MSRA: variants seen among roughly 807,000 people sequenced by gnomAD.
MSRA encodes methionine sulfoxide reductase A.
Under a neutral mutation model 31.3 loss-of-function variants are expected in MSRA, and 54 were observed. The observed-to-expected ratio is 1.73, with a 90% CI of 1.39 to 2.17. The LOEUF (loss-of-function observed/expected upper bound fraction) is 2.17, where lower values mean the gene tolerates loss of function less well. MSRA is among the 30% of genes most tolerant of loss of function. The pLI is 0.00. For missense variants in MSRA, 507 were observed against 300.9 expected (o/e 1.69, Z -5.07); for synonymous variants, 169 against 116.5 (o/e 1.45, Z -2.90).
intron 3 of MSRA, among the ~76,000 whole-genome samples, chr8:10,295,499 C>T (rs1800486347): frequency 6.6e-6 from 1 of 152,208 alleles, no homozygotes; most frequent in Non-Finnish European, 1.5e-5. Flanking sequence ...TCTAGATGAG[C>T]CCCACCTGGG....
rs558747566 is a variant in MSRA, at chr8:10,421,507, G to A, written c.544-6641G>A. ...GCATTTCCCAGGGTGGTATGAGAGC[G>A]TGTCACCTCCATGTAATAGGCTGAG... On this transcript the variant is annotated intron_variant, in intron 5 of 5. Coordinates refer to ENST00000317173, the MANE Select transcript of MSRA (RefSeq NM_012331.5). 3.8e-4 allele frequency among the ~76,000 whole-genome samples: 58 copies of A among 151,930 alleles called. 1 individual carries two copies. In the South Asian group the frequency reaches 8.4e-3, roughly 22 times the overall value.
intron 3 of MSRA, among the ~76,000 whole-genome samples, chr8:10,279,245 C>T (rs1799489123): frequency 6.6e-6 from 1 of 152,134 alleles, no homozygotes; most frequent in South Asian, 2.1e-4. Context: ...TTCCATGTAG[C>T]CACTCAGCAT....
At chr8:10,302,459 T>A (rs978419536) in intron 4 of MSRA, among the ~76,000 whole-genome samples, 1 of 152,222 alleles carries the variant, frequency 6.6e-6, no homozygotes, top group East Asian at 1.9e-4. Context: ...TATTTTCTCT[T>A]TGGTGTCAGA....
chr8:10,197,835 C>CT (rs1049204678), intron 1 of MSRA, among the ~76,000 whole-genome samples: 5 of 152,192 alleles, frequency 3.3e-5, no homozygotes, highest in African/African-American at 1.2e-4. Context: ...CCCCGAACAG[C>CT]TTGAGTGTGC....
At chr8:10,089,449 T>C (rs1474699085) in intron 1 of MSRA, among the ~76,000 whole-genome samples, 1 of 152,184 alleles carries the variant, frequency 6.6e-6, no homozygotes, top group African/African-American at 2.4e-5. Flanking sequence ...AAATGCCTCA[T>C]ATTTGTGAAT....
intron 1 of MSRA, among the ~76,000 whole-genome samples, chr8:10,188,250 G>T (rs1264938790): frequency 1.3e-5 from 2 of 152,126 alleles, no homozygotes; most frequent in Non-Finnish European, 2.9e-5. Flanking sequence ...CAGTTATTGT[G>T]TGCACTTTTT....
chr8:10,413,905 C>T (rs1233211479), intron 5 of MSRA, among the ~76,000 whole-genome samples: 1 of 152,134 alleles, frequency 6.6e-6, no homozygotes. Context: ...TGACTTATAC[C>T]TGCGATCATA....
intron 5 of MSRA, among the ~76,000 whole-genome samples, chr8:10,344,980 A>G (rs1310615917): frequency 6.6e-6 from 1 of 152,168 alleles, no homozygotes; most frequent in Non-Finnish European, 1.5e-5. Context: ...ATGGGACAGC[A>G]TTCGGTTTGG....
intron 2 of MSRA, among the ~76,000 whole-genome samples, chr8:10,235,792 C>G (rs1002718078): frequency 3.3e-5 from 5 of 151,996 alleles, no homozygotes; most frequent in South Asian, 2.1e-4. Context: ...ATAAGAAAGG[C>G]TAGCCAACCA....
intron 1 of MSRA, among the ~76,000 whole-genome samples, chr8:10,141,850 G>C (rs572967995): frequency 6.6e-6 from 1 of 152,150 alleles, no homozygotes; most frequent in Admixed American, 6.5e-5. Context: ...TAGGATTACC[G>C]TGGTTGCACT....
At chr8:10,390,636 A>G (rs894595513) in intron 5 of MSRA, among the ~76,000 whole-genome samples, 2 of 152,186 alleles carry the variant, frequency 1.3e-5, no homozygotes, top group Admixed American at 6.5e-5. Context: ...TAAAAATCAC[A>G]GCAGTAAAAA....
intron 1 of MSRA, among the ~76,000 whole-genome samples, chr8:10,067,847 A>G (rs1465397003): frequency 2.8e-5 from 2 of 72,684 alleles, no homozygotes; most frequent in Non-Finnish European, 6.5e-5. Context: ...TTTTGCCCAT[A>G]TTTCAGTTGG....
At chr8:10,135,471 A>G (rs912446609) in intron 1 of MSRA, among the ~76,000 whole-genome samples, 1 of 152,216 alleles carries the variant, frequency 6.6e-6, no homozygotes, top group Non-Finnish European at 1.5e-5. Flanking sequence ...AAAGTTACCA[A>G]CGAGTAATAT....
intron 3 of MSRA, among the ~76,000 whole-genome samples, chr8:10,258,458 C>A (rs981036715): frequency 2.6e-5 from 4 of 152,186 alleles, no homozygotes; most frequent in Admixed American, 1.3e-4. Flanking sequence ...TATGTCTTTT[C>A]ATCTCCCTAT....
At chr8:10,413,280 T>C (rs926160210) in intron 5 of MSRA, among the ~76,000 whole-genome samples, 4 of 152,196 alleles carry the variant, frequency 2.6e-5, no homozygotes, top group African/African-American at 9.7e-5. Flanking sequence ...CTTCCAGGCC[T>C]GTAAGGAATT....
intron 4 of MSRA, among the ~76,000 whole-genome samples, chr8:10,317,664 TCTCTTTCCA>T: frequency 6.6e-6 from 1 of 152,270 alleles, no homozygotes; most frequent in South Asian, 2.1e-4. Context: ...AGCCAGTAAT[TCTCTTTCCA>T]CTCAACACTG....
intron 5 of MSRA, among the ~76,000 whole-genome samples, chr8:10,420,086 T>A (rs902024881): frequency 3.3e-5 from 5 of 151,992 alleles, no homozygotes; most frequent in African/African-American, 1.2e-4. Flanking sequence ...GTACGTAGAG[T>A]GGAATAGTGT....
intron 4 of MSRA, among the ~76,000 whole-genome samples, chr8:10,311,271 A>G (rs1801416820): frequency 6.6e-6 from 1 of 152,242 alleles, no homozygotes; most frequent in African/African-American, 2.4e-5. Flanking sequence ...TGACAGAACT[A>G]TGAGGAATTA....
chr8:10,124,356 G>A (rs1306934807), intron 1 of MSRA, among the ~76,000 whole-genome samples: 1 of 152,148 alleles, frequency 6.6e-6, no homozygotes, highest in Non-Finnish European at 1.5e-5. Context: ...TAAGGAGAGG[G>A]GAATGGTGGT....
Sources: gnomAD v4.1 joint callset for allele counts (sites outside exome capture counted in the v4.1 genomes callset) on GRCh38, gnomAD v4.1.1 for gene constraint, MANE v1.5 for transcripts, NCBI Gene and HGNC (gene_info 2026-07-23, HGNC 2026-07-21) for gene names.